NDNF: variants seen among roughly 807,000 people sequenced by gnomAD.
The protein encoded by NDNF is protein NDNF.
In NDNF, 16 loss-of-function variants were observed where a neutral mutation model predicts 42.0. The observed-to-expected ratio is 0.38, with a 90% confidence interval of 0.26 to 0.58. The LOEUF is 0.58. NDNF is among the 20% of genes least tolerant of loss of function. NDNF has a pLI of 0.67. For synonymous variants in NDNF, 248 were observed against 251.7 expected (o/e 0.99, Z 0.14); for missense variants, 616 against 666.2 (o/e 0.92, Z 0.83).
At chr4:121,058,016 T>G (rs1294286257) in intron 1 of NDNF, among the ~76,000 whole-genome samples, 1 of 152,212 alleles carries the variant, frequency 6.6e-6, no homozygotes, top group Non-Finnish European at 1.5e-5. Flanking sequence ...TCACTTGAAT[T>G]ATAGTTATTT....
chr4:121,052,745 G>A (rs990312532), intron 1 of NDNF, among the ~76,000 whole-genome samples: 6 of 152,070 alleles, frequency 3.9e-5, no homozygotes, highest in East Asian at 1.9e-4. Flanking sequence ...GGATTCCTTC[G>A]AGGCAAAAAT....
intron 1 of NDNF, among the ~76,000 whole-genome samples, chr4:121,054,922 T>C (rs1372417221): frequency 5.9e-5 from 9 of 152,154 alleles, no homozygotes; most frequent in Admixed American, 1.3e-4. Context: ...CTCTACCTCC[T>C]GAGCTCAACA....
chr4:121,066,550 G>A (rs1283998270), intron 1 of NDNF, among the ~76,000 whole-genome samples: 2 of 152,122 alleles, frequency 1.3e-5, no homozygotes, highest in African/African-American at 4.8e-5. Context: ...CCAACAGTTT[G>A]TTTGCCAACT....
At chr4:121,064,504 G>T (rs1308523959) in intron 1 of NDNF, among the ~76,000 whole-genome samples, 1 of 152,116 alleles carries the variant, frequency 6.6e-6, no homozygotes, top group African/African-American at 2.4e-5. Context: ...TAAACTCTCA[G>T]ATTACTGATA....
rs560684182 is a variant in NDNF at position 121,047,317 on chromosome 4, A to G, written c.-1-1479T>C. On this transcript the variant is annotated intron_variant, in intron 1 of 3. Transcript: ENST00000379692. ...GCTGTTCTGTGTTCTGCGGTTTTCCATACAAAATATCTGCAGTGATCTAGA... is the reference window on the plus strand; with the variant it reads ...GCTGTTCTGTGTTCTGCGGTTTTCCGTACAAAATATCTGCAGTGATCTAGA... Among the ~76,000 whole-genome samples the G allele has an allele frequency of 4.6e-5, 7 of 152,336 alleles. No homozygotes were observed. In the South Asian group the frequency reaches 1.2e-3, roughly 27 times the overall value.
At chr4:121,037,693 G>A (rs1296032768) in intron 3 of NDNF, 36 bp from the exon 4 acceptor site, 2 of 1,484,972 alleles carry the variant, frequency 1.3e-6, no homozygotes, top group Non-Finnish European at 1.8e-6. Flanking sequence ...CTACTGTCAG[G>A]GCATACACTG....
intron 2 of NDNF, 135 bp downstream of exon 2, chr4:121,045,515 C>T: frequency 2.9e-6 from 2 of 681,512 alleles, no homozygotes; most frequent in East Asian, 5.4e-5. Flanking sequence ...CATGTTCCCC[C>T]TTACTTACAG....
At position 121,059,618 on chromosome 4, in the gene NDNF, G is replaced by C. The variant is rs1727368458; in HGVS notation, c.-2+12375C>G. Among the ~76,000 whole-genome samples the C allele has an allele frequency of 2.0e-5, 3 of 152,190 alleles. No individual in the cohort carries two copies. In the South Asian group the frequency reaches 6.2e-4, roughly 32 times the overall value. On this transcript the variant is annotated intron_variant, in intron 1 of 3. Coordinates refer to ENST00000379692, the MANE Select transcript of NDNF (RefSeq NM_024574.4). ...GTCTTTAAGAACACAAAAATGTCCT[G>C]ATAAGAAAAATAGCGTATTACTCAG...
intron 1 of NDNF, among the ~76,000 whole-genome samples, chr4:121,057,004 C>T (rs1259829981): frequency 6.6e-6 from 1 of 152,180 alleles, no homozygotes; most frequent in African/African-American, 2.4e-5. Context: ...TTACTGTGTA[C>T]TAGGCACTGC....
chr4:121,051,126 C>T (rs2148767250), intron 1 of NDNF, among the ~76,000 whole-genome samples: 1 of 152,174 alleles, frequency 6.6e-6, no homozygotes, highest in East Asian at 1.9e-4. Context: ...AAAAATGGAA[C>T]ATCTGCTGCC....
At chr4:121,060,480 T>G (rs918476599) in intron 1 of NDNF, among the ~76,000 whole-genome samples, 2 of 152,058 alleles carry the variant, frequency 1.3e-5, no homozygotes, top group Non-Finnish European at 2.9e-5. Context: ...CGTGCCCAGC[T>G]TACCTTTTTT....
intron 1 of NDNF, among the ~76,000 whole-genome samples, chr4:121,055,101 T>C (rs1292737109): frequency 6.6e-6 from 1 of 152,152 alleles, no homozygotes; most frequent in African/African-American, 2.4e-5. Context: ...CCCAAAGTGC[T>C]GGGATTACAG....
At position 121,036,805 on chromosome 4, in the gene NDNF, A is replaced by G. The variant is rs1726878665; in HGVS notation, c.1166T>C (p.Val389Ala). 2 of 1,614,138 alleles carry G rather than the reference A, an allele frequency of 1.2e-6. No homozygotes were observed. Among genetic ancestry groups the G allele is most frequent in the East Asian group, 4.5e-5 (2 of 44,886 alleles). The change falls in exon 4 of 4, where the codon GTG becomes GCG. Residue 389 changes from valine to alanine, a missense_variant. Coordinates refer to ENST00000379692, the MANE Select transcript of NDNF (RefSeq NM_024574.4). ...HSCLDAVQIQ[V>A]RRDGKLLLSQ... ...CAGAAGAAGTTTCCCATCTCTTCTC[A>G]CTTGGATTTGGACAGCATCCAGACA...
intron 1 of NDNF, among the ~76,000 whole-genome samples, chr4:121,062,266 G>T (rs911869055): frequency 6.6e-6 from 1 of 152,156 alleles, no homozygotes; most frequent in Non-Finnish European, 1.5e-5. Flanking sequence ...TATGCTTTTT[G>T]TTATCCTTCA....
At chr4:121,060,409 G>T (rs1326199506) in intron 1 of NDNF, among the ~76,000 whole-genome samples, 3 of 151,978 alleles carry the variant, frequency 2.0e-5, no homozygotes, top group African/African-American at 7.3e-5. Context: ...TTGAACTCCT[G>T]GCTTCAAGAG....
chr4:121,039,233 T>TAC (rs1560603364), intron 3 of NDNF, among the ~76,000 whole-genome samples: 57 of 131,032 alleles, frequency 4.4e-4, no homozygotes, highest in Non-Finnish European at 7.8e-4. Flanking sequence ...TATATATATA[T>TAC]ATAAAGACTA....
Position 121,045,754 on chromosome 4 carries a change from T to C in NDNF, c.84A>G (p.Glu28=), listed in dbSNP as rs1370312685. 3 of 1,614,024 alleles carry C rather than the reference T, an allele frequency of 1.9e-6. No individual in the cohort carries two copies. Among genetic ancestry groups the C allele is most frequent in the African/African-American group, 1.3e-5 (1 of 74,906 alleles). Residue 28 remains glutamate (E), a synonymous_variant, in exon 2 of 4, where the codon GAA becomes GAG. Coordinates refer to ENST00000379692, the MANE Select transcript of NDNF (RefSeq NM_024574.4). ...TGTCCCGGATCTGCATCTGAAAAAG[T>C]TCCTCATCCCGGGTGGGTAACTTCT... is the stretch of plus-strand genomic sequence containing the variant. The part of the protein sequence containing the change: ...RTQKLPTRDE[E]LFQMQIRDKA...
At chr4:121,065,885 G>A (rs1009246472) in intron 1 of NDNF, among the ~76,000 whole-genome samples, 1 of 151,206 alleles carries the variant, frequency 6.6e-6, no homozygotes, top group African/African-American at 2.4e-5. Flanking sequence ...CCATTGCAGA[G>A]ATATTTTCAT....
intron 1 of NDNF, among the ~76,000 whole-genome samples, chr4:121,069,389 G>C (rs1383077560): frequency 6.6e-6 from 1 of 152,178 alleles, no homozygotes; most frequent in African/African-American, 2.4e-5. Context: ...TACATCCTAA[G>C]AGATAAAAGC....
Sources: gnomAD v4.1 joint callset for allele counts (sites outside exome capture counted in the v4.1 genomes callset) on GRCh38, gnomAD v4.1.1 for gene constraint, MANE v1.5 for transcripts, NCBI Gene and HGNC (gene_info 2026-07-23, HGNC 2026-07-21) for gene names.